The following CHD2 variants were observed in gnomAD, a reference collection of about 807,000 sequenced individuals.
CHD2 encodes chromodomain helicase DNA binding protein 2.
A neutral mutation model predicts 243.9 loss-of-function variants in CHD2; 28 were observed. The observed-to-expected ratio is 0.11, with a 90% CI of 0.09 to 0.16. The LOEUF (loss-of-function observed/expected upper bound fraction) is 0.16. CHD2 is among the 10% of genes least tolerant of loss of function. The probability of loss-of-function intolerance (pLI) is 1.00; values close to 1 mark genes in which losing one functional copy is unlikely to be tolerated. For synonymous variants in CHD2, 775 were observed against 779.0 expected (o/e 0.99, Z 0.09); for missense variants, 1,386 against 2,209.8 (o/e 0.63, Z 7.47).
intron 36 of CHD2, 89 bp downstream of exon 36, chr15:93,012,533 A>G (rs1399362822): frequency 4.7e-6 from 4 of 857,010 alleles, no homozygotes. Flanking sequence ...TGGGGAGATG[A>G]TCACAGAATC....
At chr15:92,905,747 A>G (rs1426310423) in intron 2 of CHD2, among the ~76,000 whole-genome samples, 1 of 152,268 alleles carries the variant, frequency 6.6e-6, no homozygotes, top group East Asian at 1.9e-4. Flanking sequence ...TTCATCAAAT[A>G]ATTTGTACCT....
chr15:93,026,126 C>T lies in CHD2; in HGVS notation c.*1421C>T, dbSNP rs1467134474. 1 of 152,628 alleles carries T rather than the reference C, an allele frequency of 6.6e-6. No homozygotes were observed. The highest frequency in any genetic ancestry group is 2.4e-5 in the African/African-American group (1 of 41,444). 9.5% of individuals were successfully genotyped at this position (152,628 alleles called of 1,614,324 possible). A position where few individuals can be genotyped will look rare whatever the true frequency, so the allele number is the denominator to read the frequency against. On this transcript the variant is annotated 3_prime_UTR_variant, in exon 39 of 39. Coordinates refer to ENST00000394196, the MANE Select transcript of CHD2 (RefSeq NM_001271.4). ...TTCAATTGACTGATGCTGGGGCCTT[C>T]AGTTTTATTCTCAGTATAGATTGCC...
intron 9 of CHD2, 106 bp downstream of exon 9, chr15:92,943,174 C>A: frequency 1.2e-6 from 1 of 846,952 alleles, no homozygotes; most frequent in South Asian, 1.7e-5. Context: ...TCAGATTTTG[C>A]TTTGATCATC....
chr15:92,981,684 C>T (rs535592911), intron 24 of CHD2, among the ~76,000 whole-genome samples: 11 of 152,074 alleles, frequency 7.2e-5, no homozygotes, highest in African/African-American at 2.7e-4. Flanking sequence ...CAGTGTGTGG[C>T]GGAAAAGAAA....
At chr15:92,910,602 G>A (rs1206136721) in intron 2 of CHD2, among the ~76,000 whole-genome samples, 1 of 152,096 alleles carries the variant, frequency 6.6e-6, no homozygotes, top group Admixed American at 6.5e-5. Context: ...CACCATGTCG[G>A]TCAGGCTGGT....
rs1395787752 is a variant in CHD2 at position 92,972,731 on chromosome 15, G to A, written c.2505+314G>A. 4.2e-5 allele frequency among the ~76,000 whole-genome samples: 2 copies of A among 47,572 alleles called. 1 individual carries two copies. The highest frequency in any genetic ancestry group is 8.9e-5 in the African/African-American group (2 of 22,354). 31.2% of individuals were successfully genotyped at this position (47,572 alleles called of 152,430 possible). Reference sequence around the variant, plus strand: ...CCGGGCGTAGTGGCGGGCGCCTGTAGTCCCAGCTACTTGGGAGGCTGAGGC... The same window carrying A: ...CCGGGCGTAGTGGCGGGCGCCTGTAATCCCAGCTACTTGGGAGGCTGAGGC... On this transcript the variant is annotated intron_variant, in intron 19 of 38. Transcript: ENST00000394196.
In CHD2 at chr15:92,981,475, G is replaced by A. The variant is rs1189192828; in HGVS notation, c.3066+18G>A. On this transcript the variant is annotated intron_variant, in intron 24 of 38. Transcript: ENST00000394196. ...AGTTTAAGGTATGAAGATCTTTGTGGGAGAGAGTTCTCAGCATTGATTCAT... is the reference window on the plus strand; with the variant it reads ...AGTTTAAGGTATGAAGATCTTTGTGAGAGAGAGTTCTCAGCATTGATTCAT... The A allele has an allele frequency of 6.3e-7, 1 of 1,580,106 alleles. No individual in the cohort carries two copies. Among genetic ancestry groups the A allele is most frequent in the East Asian group, 2.2e-5 (1 of 44,506 alleles).
chr15:92,957,490 A>G (rs147050740), intron 16 of CHD2, among the ~76,000 whole-genome samples: 521 of 152,152 alleles, frequency 3.4e-3, no homozygotes, highest in Middle Eastern at 6.8e-3. Context: ...CTCTTTTTAC[A>G]TTTATGTTCT....
chr15:93,014,553 T>C, intron 36 of CHD2, 143 bp from the exon 37 acceptor site: 1 of 652,756 alleles, frequency 1.5e-6, no homozygotes, highest in Non-Finnish European at 2.6e-6. Context: ...TTTATGAGCC[T>C]TTTTTTTGTT....
At chr15:92,936,473 G>C (rs2053269217) in intron 5 of CHD2, among the ~76,000 whole-genome samples, 1 of 152,140 alleles carries the variant, frequency 6.6e-6, no homozygotes, top group Non-Finnish European at 1.5e-5. Context: ...AATGAGTGGG[G>C]TCCCTGCAAT....
intron 2 of CHD2, among the ~76,000 whole-genome samples, chr15:92,910,607 G>T (rs973959092): frequency 3.3e-5 from 5 of 152,118 alleles, no homozygotes; most frequent in African/African-American, 1.2e-4. Context: ...TGTCGGTCAG[G>T]CTGGTCTCAG....
chr15:92,949,257 A>G (rs2053519332), intron 13 of CHD2, 181 bp downstream of exon 13: 1 of 1,407,100 alleles, frequency 7.1e-7, no homozygotes, highest in Admixed American at 3.1e-5. Context: ...GTTTTTATGT[A>G]TGTGTAATAC....
chr15:93,020,392 G>A (rs1041968375), intron 38 of CHD2, 134 bp downstream of exon 38: 142 of 1,098,754 alleles, frequency 1.3e-4, no homozygotes, highest in East Asian at 5.3e-4. Context: ...CAGCCACAGC[G>A]AATCCCATGT....
At chr15:92,921,325 G>A (rs528778251) in intron 2 of CHD2, 1 of 152,310 alleles carries the variant, frequency 6.6e-6, no homozygotes, top group Non-Finnish European at 1.5e-5. Context: ...TAAGTCATGT[G>A]CCTTGAGAAA....
At chr15:93,018,379 T>G (rs925344584) in intron 37 of CHD2, among the ~76,000 whole-genome samples, 14 of 152,218 alleles carry the variant, frequency 9.2e-5, no homozygotes, top group Non-Finnish European at 1.8e-4. Context: ...CTTAATGGTG[T>G]TGTTCTTCAG....
Position 93,025,909 on chromosome 15 carries a change from G to A in CHD2, c.*1204G>A, listed in dbSNP as rs2054583486. On this transcript the variant is annotated 3_prime_UTR_variant, in exon 39 of 39. Transcript: ENST00000394196. Reference sequence around the variant, plus strand: ...CTGTGGTGAACAAGTTTCTACTGTAGTTGGAGATCATTAGAATTGAATTCA... The same window carrying A: ...CTGTGGTGAACAAGTTTCTACTGTAATTGGAGATCATTAGAATTGAATTCA... 1 of 152,306 alleles carries A rather than the reference G, an allele frequency of 6.6e-6. No homozygotes were observed. Among genetic ancestry groups the A allele is most frequent in the African/African-American group, 2.4e-5 (1 of 41,466 alleles). The allele number at this position is 152,306 out of a possible 1,614,324, so 9.4% of individuals were successfully genotyped here. A position where few individuals can be genotyped will look rare whatever the true frequency, so the allele number is the denominator to read the frequency against.
At chr15:93,004,180 T>C (rs920326443) in intron 33 of CHD2, among the ~76,000 whole-genome samples, 1 of 152,128 alleles carries the variant, frequency 6.6e-6, no homozygotes, top group African/African-American at 2.4e-5. Context: ...CTGCAACCTT[T>C]CCTTCAATGT....
At chr15:93,008,458 C>T (rs1257209995) in intron 34 of CHD2, among the ~76,000 whole-genome samples, 2 of 152,236 alleles carry the variant, frequency 1.3e-5, no homozygotes, top group Non-Finnish European at 2.9e-5. Flanking sequence ...ATCCTTCCTT[C>T]TGAAGACACC....
intron 5 of CHD2, among the ~76,000 whole-genome samples, chr15:92,935,889 C>G (rs1180192773): frequency 6.6e-6 from 1 of 152,008 alleles, no homozygotes; most frequent in Non-Finnish European, 1.5e-5. Flanking sequence ...CAGAAGCACC[C>G]CTACCCGTCT....
Sources: gnomAD v4.1 joint callset for allele counts (sites outside exome capture counted in the v4.1 genomes callset) on GRCh38, gnomAD v4.1.1 for gene constraint, MANE v1.5 for transcripts, NCBI Gene and HGNC (gene_info 2026-07-23, HGNC 2026-07-21) for gene names.